Variants in CRB1 observed in about 807,000 individuals in gnomAD.
CRB1 encodes protein crumbs homolog 1.
Under a neutral mutation model 120.0 loss-of-function variants are expected in CRB1, and 83 were observed. The observed-to-expected ratio is 0.69, with a 90% confidence interval of 0.58 to 0.83. CRB1 has a LOEUF of 0.83. CRB1 is among the 40% of genes least tolerant of loss of function. CRB1 has a pLI of 0.00. For missense variants in CRB1, 1,699 were observed against 1,687.6 expected (o/e 1.01, Z -0.12); for synonymous variants, 625 against 612.5 (o/e 1.02, Z -0.30).
At chr1:197,334,747 A>G (rs1659055737) in intron 2 of CRB1, among the ~76,000 whole-genome samples, 1 of 152,188 alleles carries the variant, frequency 6.6e-6, no homozygotes, top group Admixed American at 6.5e-5. Context: ...GGATTTTTTA[A>G]ATATTTGTCG....
In CRB1 at chr1:197,434,995, A is replaced by G. The variant is rs761284263; in HGVS notation, c.3132A>G (p.Pro1044=). The G allele has an allele frequency of 9.9e-6, 16 of 1,613,966 alleles. No individual in the cohort carries two copies. Among genetic ancestry groups the G allele is most frequent in the Non-Finnish European group, 1.4e-5 (16 of 1,179,892 alleles). The change falls in exon 9 of 12, where the codon CCA becomes CCG. Residue 1044 remains proline, a synonymous_variant. Coordinates refer to ENST00000367400, the MANE Select transcript of CRB1 (RefSeq NM_201253.3). The stretch of plus-strand genomic sequence containing the variant: ...AAGTGACCCTTTCCATGACAGACCC[A>G]CTGTCCCAGACCTCCAGGTGGCAAA... The part of the protein sequence containing the change: ...WHEVTLSMTD[P]LSQTSRWQME...
At chr1:197,468,881 C>T (rs1666861282) in intron 11 of CRB1, among the ~76,000 whole-genome samples, 1 of 151,748 alleles carries the variant, frequency 6.6e-6, no homozygotes, top group African/African-American at 2.4e-5. Flanking sequence ...AGAGGAGAGG[C>T]ATGATTGAAT....
the CRB1 span, among the ~76,000 whole-genome samples, chr1:197,217,350 T>A: frequency 6.6e-6 from 1 of 152,156 alleles, no homozygotes; most frequent in African/African-American, 2.4e-5. Context: ...TGAAAGCACA[T>A]GTTCACACAA....
rs1361626587 is a variant in CRB1, at chr1:197,356,824, C to T, written c.989-7C>T. 1.2e-6 allele frequency: 2 copies of T among 1,614,116 alleles called. No individual in the cohort carries two copies. Among genetic ancestry groups the T allele is most frequent in the Non-Finnish European group, 1.7e-6 (2 of 1,179,972 alleles). On this transcript the variant is annotated splice_polypyrimidine_tract_variant and splice_region_variant and intron_variant, in intron 4 of 11. Transcript: ENST00000367400. Reference sequence around the variant, plus strand: ...CTTAGCAGCTTCTCTGAATTTTCATCATGCAGGATACACAGGTGCCCAGTG... The same window carrying T: ...CTTAGCAGCTTCTCTGAATTTTCATTATGCAGGATACACAGGTGCCCAGTG...
At chr1:197,477,473 A>T (rs1667244573) in intron 11 of CRB1, 191 bp from the exon 12 acceptor site, 1 of 693,124 alleles carries the variant, frequency 1.4e-6, no homozygotes, top group Non-Finnish European at 2.7e-6. Flanking sequence ...TTTAGATTCT[A>T]GATATATGAT....
chr1:197,224,231 A>G, the CRB1 span, among the ~76,000 whole-genome samples: 2 of 152,170 alleles, frequency 1.3e-5, no homozygotes, highest in East Asian at 3.8e-4. Context: ...TGGGGACCCA[A>G]AAAGTATAAT....
chr1:197,469,407 G>A (rs1475471317), intron 11 of CRB1, among the ~76,000 whole-genome samples: 2 of 152,072 alleles, frequency 1.3e-5, no homozygotes, highest in Non-Finnish European at 2.9e-5. Context: ...CTAGGGAGAG[G>A]ATAATTGGGC....
At chr1:197,342,844 A>G (rs759385455) in intron 2 of CRB1, among the ~76,000 whole-genome samples, 1 of 152,182 alleles carries the variant, frequency 6.6e-6, no homozygotes, top group Non-Finnish European at 1.5e-5. Flanking sequence ...GTAGTGATAG[A>G]GCAGAGCTCA....
chr1:197,204,906 C>T, the CRB1 span, among the ~76,000 whole-genome samples: 2 of 152,040 alleles, frequency 1.3e-5, no homozygotes, highest in Non-Finnish European at 2.9e-5. Flanking sequence ...TATGGTTTCA[C>T]GTCTTAGATT....
chr1:197,305,290 C>A (rs1194887929), intron 1 of CRB1, among the ~76,000 whole-genome samples: 1 of 151,682 alleles, frequency 6.6e-6, no homozygotes, highest in South Asian at 2.1e-4. Flanking sequence ...TATAATTATC[C>A]TTGTTGGTGT....
At chr1:197,382,299 C>T (rs1437919790) in intron 5 of CRB1, among the ~76,000 whole-genome samples, 2 of 152,114 alleles carry the variant, frequency 1.3e-5, no homozygotes, top group Middle Eastern at 3.2e-3. Flanking sequence ...TTAAATATCC[C>T]CCTAGAGGGC....
intron 4 of CRB1, among the ~76,000 whole-genome samples, chr1:197,353,206 A>C (rs1400501483): frequency 6.6e-6 from 1 of 152,220 alleles, no homozygotes; most frequent in Non-Finnish European, 1.5e-5. Context: ...CTGAGAAAGC[A>C]ATACAAGATA....
At chr1:197,225,447 C>A in the CRB1 span, among the ~76,000 whole-genome samples, 5 of 152,360 alleles carry the variant, frequency 3.3e-5, no homozygotes, top group South Asian at 1.0e-3. Flanking sequence ...CCCAGCAGCT[C>A]TTTCCATCCC....
intron 2 of CRB1, among the ~76,000 whole-genome samples, chr1:197,336,751 T>C (rs1659178822): frequency 6.6e-6 from 1 of 152,204 alleles, no homozygotes; most frequent in Admixed American, 6.5e-5. Context: ...TGCTCACAAA[T>C]TATTCTGGGA....
At position 197,330,505 on chromosome 1, in the gene CRB1, C is replaced by T. The variant is rs371359236; in HGVS notation, c.652+1502C>T. Among the ~76,000 whole-genome samples, 12 of 152,262 alleles carry T rather than the reference C, an allele frequency of 7.9e-5. No individual in the cohort carries two copies. The South Asian group carries it at 2.5e-3, about 32-fold the overall frequency. On this transcript the variant is annotated intron_variant, in intron 2 of 11. Transcript: ENST00000367400. ...CATGTCCTCACACATTCCACCGAAG[C>T]CTTCTATTTCCTCTAATAAATCTTC...
the CRB1 span, among the ~76,000 whole-genome samples, chr1:197,217,052 C>T: frequency 1.3e-5 from 2 of 151,692 alleles, no homozygotes; most frequent in Non-Finnish European, 2.9e-5. Context: ...TAAAAAACAA[C>T]CCAATTTTTA....
At chr1:197,363,670 G>A (rs1558083696) in intron 5 of CRB1, 1 of 316,212 alleles carries the variant, frequency 3.2e-6, no homozygotes, top group Non-Finnish European at 6.1e-6. Context: ...GACCAACAAA[G>A]AGAACTTTCC....
the CRB1 span, among the ~76,000 whole-genome samples, chr1:197,258,118 G>T: frequency 4.1e-4 from 63 of 152,156 alleles, no homozygotes; most frequent in South Asian, 0.013. Context: ...ACACAATAGG[G>T]TGACTATAGT....
chr1:197,230,523 A>G, the CRB1 span, among the ~76,000 whole-genome samples: 3 of 152,136 alleles, frequency 2.0e-5, no homozygotes, highest in African/African-American at 7.2e-5. Flanking sequence ...TCAAGTTTAG[A>G]TTCAGTCTTG....
Sources: gnomAD v4.1 joint callset for allele counts (sites outside exome capture counted in the v4.1 genomes callset) on GRCh38, gnomAD v4.1.1 for gene constraint, MANE v1.5 for transcripts, NCBI Gene and HGNC (gene_info 2026-07-23, HGNC 2026-07-21) for gene names.